THEMIS: variants seen among roughly 807,000 people sequenced by gnomAD.
THEMIS encodes thymocyte selection associated.
In THEMIS, 37 loss-of-function variants were observed where a neutral mutation model predicts 52.6. The observed-to-expected ratio is 0.70, with a 90% CI of 0.54 to 0.93. The LOEUF (loss-of-function observed/expected upper bound fraction) is 0.93. Among genes scored for constraint, THEMIS ranks in the 40% least tolerant of loss-of-function variants. The probability of loss-of-function intolerance (pLI) is 0.00; values close to 1 mark genes in which losing one functional copy is unlikely to be tolerated. For missense variants in THEMIS, 808 were observed against 763.1 expected (o/e 1.06, Z -0.69); for synonymous variants, 292 against 272.7 (o/e 1.07, Z -0.70).
chr6:127,735,756 T>C (rs1472400824), intron 4 of THEMIS, among the ~76,000 whole-genome samples: 2 of 152,148 alleles, frequency 1.3e-5, no homozygotes, highest in Admixed American at 1.3e-4. Context: ...GGATGATGAA[T>C]TTTTTTCACA....
chr6:127,868,106 T>C (rs1780040749), intron 1 of THEMIS, among the ~76,000 whole-genome samples: 1 of 152,228 alleles, frequency 6.6e-6, no homozygotes, highest in African/African-American at 2.4e-5. Flanking sequence ...TCAACTTCGT[T>C]ATCTTTAACA....
rs555202957 is a variant in THEMIS at position 127,848,773 on chromosome 6, TTTG to T, written c.250+6254_250+6256del. On this transcript the variant is annotated intron_variant, in intron 2 of 5. Coordinates refer to ENST00000368248, the MANE Select transcript of THEMIS (RefSeq NM_001010923.3). Reference sequence around the variant, plus strand: ...CCTTGCCCACTTTTTGATGGGATTGTTTGTTTTTTTCTTGTAAATTTGTTTGAA... The same window carrying T: ...CCTTGCCCACTTTTTGATGGGATTGTTTTTTTTCTTGTAAATTTGTTTGAA... Among the ~76,000 whole-genome samples, 11 of 152,202 alleles carry T rather than the reference TTTG, an allele frequency of 7.2e-5. No individual in the cohort carries two copies. The South Asian group carries it at 2.3e-3, about 32-fold the overall frequency.
intron 4 of THEMIS, among the ~76,000 whole-genome samples, chr6:127,810,520 A>G (rs1777868048): frequency 6.6e-6 from 1 of 151,980 alleles, no homozygotes; most frequent in Admixed American, 6.5e-5. Context: ...GCTTTGTGAC[A>G]ACACAACATT....
chr6:127,746,379 C>T (rs546168666), intron 4 of THEMIS, among the ~76,000 whole-genome samples: 1 of 151,724 alleles, frequency 6.6e-6, no homozygotes, highest in East Asian at 1.9e-4. Flanking sequence ...AGCAATCTGC[C>T]ACACAGACAC....
At chr6:127,757,221 T>C (rs865826933) in intron 4 of THEMIS, among the ~76,000 whole-genome samples, 1 of 152,196 alleles carries the variant, frequency 6.6e-6, no homozygotes, top group African/African-American at 2.4e-5. Context: ...CTACAGCGTA[T>C]TATGCCACGG....
chr6:127,704,429 T>C (rs1737109498), downstream of THEMIS, among the ~76,000 whole-genome samples: 1 of 152,172 alleles, frequency 6.6e-6, no homozygotes, highest in African/African-American at 2.4e-5. Context: ...GGGCGTCTAA[T>C]AGATAAAGAT....
chr6:127,881,689 C>T (rs1374625553), intron 1 of THEMIS, among the ~76,000 whole-genome samples: 1 of 151,806 alleles, frequency 6.6e-6, no homozygotes, highest in African/African-American at 2.4e-5. Flanking sequence ...ATACAACTGG[C>T]ATTGCTTTTA....
At chr6:127,863,648 C>A (rs184453033) in intron 1 of THEMIS, among the ~76,000 whole-genome samples, 1 of 152,112 alleles carries the variant, frequency 6.6e-6, no homozygotes, top group Non-Finnish European at 1.5e-5. Context: ...ATAAAACTAC[C>A]GGAACCACAA....
the THEMIS span, among the ~76,000 whole-genome samples, chr6:127,700,643 C>T: frequency 1.3e-5 from 2 of 151,840 alleles, no homozygotes; most frequent in South Asian, 4.1e-4. Context: ...GAGATCATCC[C>T]AATGGAAAAA....
chr6:127,728,841 C>A (rs147927726), intron 4 of THEMIS, among the ~76,000 whole-genome samples: 1 of 151,984 alleles, frequency 6.6e-6, no homozygotes, highest in Non-Finnish European at 1.5e-5. Flanking sequence ...TAAAGTAGGG[C>A]AAGAAGGTTG....
intron 4 of THEMIS, among the ~76,000 whole-genome samples, chr6:127,740,525 T>C (rs1284113155): frequency 6.6e-6 from 1 of 152,226 alleles, no homozygotes; most frequent in Non-Finnish European, 1.5e-5. Context: ...TGAAAGTGGT[T>C]CTTAACTGGC....
rs1775706959 is a variant in THEMIS, at chr6:127,753,193, C to T, written c.1759-33370G>A. 1.3e-5 allele frequency among the ~76,000 whole-genome samples: 2 copies of T among 151,866 alleles called. 1 individual carries two copies. Among genetic ancestry groups the T allele is most frequent in the South Asian group, 4.1e-4 (2 of 4,830 alleles). Reference sequence around the variant, plus strand: ...ATAATACAGATCACATATGACAAGCCCACAGCTAACATCATACTCAAGAGT... The same window carrying T: ...ATAATACAGATCACATATGACAAGCTCACAGCTAACATCATACTCAAGAGT... On this transcript the variant is annotated intron_variant, in intron 4 of 5. Coordinates refer to ENST00000368248, the MANE Select transcript of THEMIS (RefSeq NM_001010923.3).
chr6:127,723,065 A>G (rs1158093429), intron 4 of THEMIS, among the ~76,000 whole-genome samples: 7 of 151,728 alleles, frequency 4.6e-5, no homozygotes, highest in Non-Finnish European at 7.4e-5. Flanking sequence ...CCTATCCTCA[A>G]GTTTATTCTC....
intron 1 of THEMIS, among the ~76,000 whole-genome samples, chr6:127,857,690 G>A (rs1779664245): frequency 6.6e-6 from 1 of 152,028 alleles, no homozygotes; most frequent in South Asian, 2.1e-4. Flanking sequence ...CTGAGAGCTT[G>A]TTAGAATCTT....
At chr6:127,758,240 A>G (rs965457511) in intron 4 of THEMIS, among the ~76,000 whole-genome samples, 1 of 150,754 alleles carries the variant, frequency 6.6e-6, no homozygotes, top group Non-Finnish European at 1.5e-5. Flanking sequence ...ATAGAGTTGG[A>G]CTGTAAATTG....
At chr6:127,809,014 A>C (rs1424159408) in intron 4 of THEMIS, among the ~76,000 whole-genome samples, 1 of 152,218 alleles carries the variant, frequency 6.6e-6, no homozygotes, top group Non-Finnish European at 1.5e-5. Flanking sequence ...ACTTAATGCA[A>C]GAAATGATTT....
intron 2 of THEMIS, among the ~76,000 whole-genome samples, chr6:127,849,605 G>A (rs924558758): frequency 6.6e-6 from 1 of 151,788 alleles, no homozygotes; most frequent in South Asian, 2.1e-4. Flanking sequence ...TTACAGTCAG[G>A]TGATCATCAA....
chr6:127,885,857 G>C (rs12216016), intron 1 of THEMIS, among the ~76,000 whole-genome samples: 27,092 of 151,976 alleles, frequency 0.18, 3,172 homozygotes, highest in Middle Eastern at 0.3. Context: ...TTTTCTTTTT[G>C]ATAAATGGTA....
Position 127,750,859 on chromosome 6 carries a change from A to G in THEMIS, c.1759-31036T>C, listed in dbSNP as rs142886004. On this transcript the variant is annotated intron_variant, in intron 4 of 5. Coordinates refer to ENST00000368248, the MANE Select transcript of THEMIS (RefSeq NM_001010923.3). Reference sequence around the variant, plus strand: ...AGTGCTGAAAACATTGTCAGCCAAGAATATTTCACCAGGAAAAGCTGCCCT... The same window carrying G: ...AGTGCTGAAAACATTGTCAGCCAAGGATATTTCACCAGGAAAAGCTGCCCT... 1.4e-4 allele frequency among the ~76,000 whole-genome samples: 22 copies of G among 151,884 alleles called. 1 individual carries two copies. In the East Asian group the frequency reaches 3.7e-3, roughly 25 times the overall value.
Sources: gnomAD v4.1 joint callset for allele counts (sites outside exome capture counted in the v4.1 genomes callset) on GRCh38, gnomAD v4.1.1 for gene constraint, MANE v1.5 for transcripts, NCBI Gene and HGNC (gene_info 2026-07-23, HGNC 2026-07-21) for gene names.